CDH19: variants seen among roughly 807,000 people sequenced by gnomAD.
CDH19 encodes cadherin-19.
CDH19 carries 67 observed loss-of-function variants against 64.2 expected under a neutral mutation model. The ratio of observed to expected loss-of-function variants is 1.04; its 90% CI spans 0.86 to 1.28. CDH19 has a LOEUF of 1.28. CDH19 is among the 50% of genes most tolerant of loss of function. The pLI is 0.00. For synonymous variants in CDH19, 346 were observed against 319.3 expected (o/e 1.08, Z -0.89); for missense variants, 1,030 against 929.0 (o/e 1.11, Z -1.41).
intron 8 of CDH19, among the ~76,000 whole-genome samples, chr18:66,534,503 A>G (rs1313068313): frequency 6.6e-6 from 1 of 152,048 alleles, no homozygotes; most frequent in Non-Finnish European, 1.5e-5. Context: ...TTATATTTGT[A>G]ATTTTAATAC....
At chr18:66,521,576 T>C (rs1413317279) in intron 9 of CDH19, among the ~76,000 whole-genome samples, 3 of 151,816 alleles carry the variant, frequency 2.0e-5, no homozygotes, top group Non-Finnish European at 4.4e-5. Flanking sequence ...CCTCACTCTG[T>C]CCAGGCTAGA....
intron 1 of CDH19, among the ~76,000 whole-genome samples, chr18:66,592,838 C>T (rs1452681589): frequency 1.3e-5 from 2 of 151,760 alleles, no homozygotes; most frequent in East Asian, 1.9e-4. Flanking sequence ...AATTGCAATA[C>T]ATATATTGCA....
chr18:66,519,518 T>C (rs557283173), intron 9 of CDH19, among the ~76,000 whole-genome samples: 1 of 152,176 alleles, frequency 6.6e-6, no homozygotes, highest in African/African-American at 2.4e-5. Flanking sequence ...TTTTTGTTAT[T>C]GTAGCTTGTT....
Position 66,568,685 on chromosome 18 carries a change from T to C in CDH19, c.221A>G (p.Asn74Ser), listed in dbSNP as rs139577289. The change falls in exon 3 of 12, where the codon AAC (asparagine) becomes AGC (serine). Residue 74 changes from asparagine to serine, a missense_variant. Asn to Ser is a conservative substitution (Grantham distance 46). Coordinates refer to ENST00000262150, the MANE Select transcript of CDH19 (RefSeq NM_021153.4). ...GQLRSDLDNG[N>S]NSFQYKLLGA... ...CAAAAGCTTGTACTGGAAAGAATTGTTTCCATTGTCTAAATCAGATCTTAG... is the reference window on the plus strand; with the variant it reads ...CAAAAGCTTGTACTGGAAAGAATTGCTTCCATTGTCTAAATCAGATCTTAG... The C allele has an allele frequency of 2.1e-4, 332 of 1,609,016 alleles. 1 individual carries two copies. In the African/African-American group the frequency reaches 4.1e-3, roughly 20 times the overall value.
chr18:66,521,519 TTTATTTTG>T (rs1273333088), intron 9 of CDH19, among the ~76,000 whole-genome samples: 86 of 76,692 alleles, frequency 1.1e-3, no homozygotes, highest in Admixed American at 1.7e-3. Flanking sequence ...TATTTATTTA[TTTATTTTG>T]TTTGTTTGTT....
intron 1 of CDH19, among the ~76,000 whole-genome samples, chr18:66,589,841 A>G (rs1176850545): frequency 6.6e-6 from 1 of 151,928 alleles, no homozygotes; most frequent in Non-Finnish European, 1.5e-5. Context: ...TATATCACAG[A>G]ACCACATAAA....
chr18:66,516,300 T>C (rs1275223670), intron 9 of CDH19, among the ~76,000 whole-genome samples: 1 of 151,968 alleles, frequency 6.6e-6, no homozygotes, highest in Non-Finnish European at 1.5e-5. Context: ...ATAGAGAATC[T>C]AGTCCGCAAG....
intron 3 of CDH19, among the ~76,000 whole-genome samples, chr18:66,562,056 A>C (rs1987742262): frequency 6.6e-6 from 1 of 152,006 alleles, no homozygotes; most frequent in Non-Finnish European, 1.5e-5. Context: ...TTATTGTAAC[A>C]TAGGTCAGTG....
intron 9 of CDH19, among the ~76,000 whole-genome samples, chr18:66,514,775 A>G (rs556033187): frequency 6.6e-6 from 1 of 151,726 alleles, no homozygotes; most frequent in East Asian, 1.9e-4. Flanking sequence ...TTACTAAGAT[A>G]TCATTCCAGA....
intron 1 of CDH19, among the ~76,000 whole-genome samples, chr18:66,597,256 A>G (rs1420249028): frequency 6.7e-6 from 1 of 149,986 alleles, no homozygotes; most frequent in African/African-American, 2.4e-5. Context: ...TACTGGTACA[A>G]AAACAGACTC....
intron 1 of CDH19, among the ~76,000 whole-genome samples, chr18:66,583,692 C>G (rs569022633): frequency 6.6e-6 from 1 of 152,082 alleles, no homozygotes; most frequent in Non-Finnish European, 1.5e-5. Flanking sequence ...GAATACAGAG[C>G]CTAGAAGTAA....
chr18:66,520,922 T>C (rs1985955896), intron 9 of CDH19, among the ~76,000 whole-genome samples: 1 of 152,124 alleles, frequency 6.6e-6, no homozygotes, highest in Admixed American at 6.5e-5. Context: ...GTTTTATTAA[T>C]CTAGGAGGTA....
At chr18:66,508,667 G>T (rs1985319305) in intron 11 of CDH19, among the ~76,000 whole-genome samples, 1 of 151,846 alleles carries the variant, frequency 6.6e-6, no homozygotes, top group Non-Finnish European at 1.5e-5. Flanking sequence ...CTCGAGAGAA[G>T]CTCGCCATTA....
At chr18:66,546,671 G>A (rs1005830376) in intron 5 of CDH19, among the ~76,000 whole-genome samples, 3 of 152,108 alleles carry the variant, frequency 2.0e-5, no homozygotes, top group African/African-American at 4.8e-5. Flanking sequence ...TAAGATACTG[G>A]TATATAAGAA....
Position 66,587,268 on chromosome 18 carries a change from C to G in CDH19, c.-112-14952G>C, listed in dbSNP as rs77371241. 3.9e-5 allele frequency among the ~76,000 whole-genome samples: 6 copies of G among 152,196 alleles called. No homozygotes were observed. The South Asian group carries it at 1.2e-3, about 32-fold the overall frequency. On this transcript the variant is annotated intron_variant, in intron 1 of 11. Coordinates refer to ENST00000262150, the MANE Select transcript of CDH19 (RefSeq NM_021153.4). The stretch of plus-strand genomic sequence containing the variant: ...GGAGTGTCAAATGAGAGTTGGGAAA[C>G]GCAGAGGTTAAGATACCTTCAAAAA...
intron 1 of CDH19, among the ~76,000 whole-genome samples, chr18:66,594,077 A>C (rs967401597): frequency 6.6e-6 from 1 of 152,164 alleles, no homozygotes; most frequent in Non-Finnish European, 1.5e-5. Flanking sequence ...GGAATGGAGA[A>C]AGATCTATGA....
At chr18:66,517,153 G>A (rs766678784) in intron 9 of CDH19, among the ~76,000 whole-genome samples, 42 of 152,106 alleles carry the variant, frequency 2.8e-4, no homozygotes, top group African/African-American at 9.9e-4. Flanking sequence ...AACTGTAGTC[G>A]AGAGGAAGAA....
chr18:66,505,394 G>T, intron 11 of CDH19, 92 bp from the exon 12 acceptor site: 1 of 963,664 alleles, frequency 1.0e-6, no homozygotes, highest in Non-Finnish European at 1.4e-6. Context: ...CAAGATGAGT[G>T]CTTAAACTTT....
intron 1 of CDH19, among the ~76,000 whole-genome samples, chr18:66,592,917 T>A (rs1988784156): frequency 6.6e-6 from 1 of 151,914 alleles, no homozygotes; most frequent in Admixed American, 6.6e-5. Context: ...TACCCAGTAG[T>A]GAGATTGCTG....
Sources: gnomAD v4.1 joint callset for allele counts (sites outside exome capture counted in the v4.1 genomes callset) on GRCh38, gnomAD v4.1.1 for gene constraint, MANE v1.5 for transcripts, NCBI Gene and HGNC (gene_info 2026-07-23, HGNC 2026-07-21) for gene names.